CTCFL: variants seen among roughly 807,000 people sequenced by gnomAD.
CTCFL encodes CCCTC-binding factor like, also known as transcriptional repressor CTCFL.
Under a neutral mutation model 67.4 loss-of-function variants are expected in CTCFL, and 36 were observed. That is an observed-to-expected ratio of 0.53 (90% CI 0.41 to 0.71). The LOEUF (loss-of-function observed/expected upper bound fraction) is 0.71, where lower values mean the gene tolerates loss of function less well. Among genes scored for constraint, CTCFL ranks in the 30% least tolerant of loss-of-function variants. The pLI is 0.00. For missense variants in CTCFL, 786 were observed against 835.2 expected, an observed-to-expected ratio of 0.94 and a Z score of 0.73; for synonymous variants, 324 against 302.3, an observed-to-expected ratio of 1.07 and a Z score of -0.75.
At position 57,506,486 on chromosome 20, in the gene CTCFL, T is replaced by C. The variant is rs574551138; in HGVS notation, c.1674+2120A>G. ...GCCCAGCTAATTTTTGTATTTGTAG[T>C]AGAGATGGGGTTTCATCATTTTGGC... On this transcript the variant is annotated intron_variant, in intron 9 of 10. Coordinates refer to ENST00000243914, the MANE Select transcript of CTCFL (RefSeq NM_001386993.1). Among the ~76,000 whole-genome samples, 6 of 152,286 alleles carry C rather than the reference T, an allele frequency of 3.9e-5. No individual in the cohort carries two copies. In the South Asian group the frequency reaches 1.2e-3, roughly 32 times the overall value.
At chr20:57,496,631 A>G (rs2067727071), downstream of CTCFL, among the ~76,000 whole-genome samples, 2 of 152,192 alleles carry the variant, frequency 1.3e-5, no homozygotes, top group African/African-American at 4.8e-5. Flanking sequence ...CTTGGCAAAC[A>G]TCACTTTACC....
intron 1 of CTCFL, chr20:57,524,630 T>TCCTGGGCCTAGCACCAGTGCAC (rs2069715369): frequency 9.8e-7 from 1 of 1,016,846 alleles, no homozygotes; most frequent in Non-Finnish European, 1.2e-6. Flanking sequence ...GGCCAGTGCA[T>TCCTGGGCCTAGCACCAGTGCAC]ATCCTGGGCC....
chr20:57,517,922 C>T (rs144430280), intron 5 of CTCFL, among the ~76,000 whole-genome samples: 104 of 152,264 alleles, frequency 6.8e-4, no homozygotes, highest in African/African-American at 2.5e-3. Context: ...ACAATCACAA[C>T]CTTTAACTCA....
chr20:57,516,551 TA>T (rs893741888), intron 5 of CTCFL, among the ~76,000 whole-genome samples: 2 of 151,582 alleles, frequency 1.3e-5, no homozygotes, highest in Admixed American at 6.6e-5. Flanking sequence ...AAAATAAAAA[TA>T]AAAATAAAAA....
At chr20:57,518,446 T>C (rs1396566584) in intron 5 of CTCFL, 94 of 1,158,512 alleles carry the variant, frequency 8.1e-5, no homozygotes, top group Non-Finnish European at 1.1e-4. Flanking sequence ...TTTGATTTTG[T>C]GGCCCAGAGT....
chr20:57,524,280 C>CG (rs1166764176), intron 1 of CTCFL, 64 bp from the exon 2 acceptor site: 6 of 1,531,124 alleles, frequency 3.9e-6, no homozygotes, highest in African/African-American at 1.4e-5. Flanking sequence ...AGGAGGGATG[C>CG]GGGGGGTGCT....
chr20:57,515,150 TTTC>T, intron 6 of CTCFL: 1 of 168,462 alleles, frequency 5.9e-6, no homozygotes, highest in Non-Finnish European at 1.3e-5. Flanking sequence ...TTATTTACTT[TTTC>T]TTTTTTTTTG....
intron 10 of CTCFL, among the ~76,000 whole-genome samples, chr20:57,499,000 AGTAGCACC>A (rs2067779736): frequency 3.6e-5 from 5 of 137,064 alleles, no homozygotes; most frequent in Non-Finnish European, 6.0e-5. Flanking sequence ...ACTAGATGCC[AGTAGCACC>A]CTCCTCTCCA....
At chr20:57,509,863 G>A (rs111851487) in intron 8 of CTCFL, among the ~76,000 whole-genome samples, 2,047 of 152,140 alleles carry the variant, frequency 0.013, 62 homozygotes, top group African/African-American at 0.047. Flanking sequence ...CCAGGACCGC[G>A]GCAGCCAGGA....
At position 57,514,656 on chromosome 20, in the gene CTCFL, G is replaced by A. The variant is rs138471296; in HGVS notation, c.1266C>T (p.Gly422=). 21 of 1,614,056 alleles carry A rather than the reference G, an allele frequency of 1.3e-5. No homozygotes were observed. The highest frequency in any genetic ancestry group is 1.2e-4 in the African/African-American group (9 of 74,912). ...GACACTGGTATTTGGGGACATTTTC[G>A]CCGTGTTTCTGCAGAATATGTATTT... The part of the protein sequence containing the change: ...TMKIHILQKH[G]ENVPKYQCPH... The change falls in exon 7 of 11, where the codon GGC becomes GGT. Residue 422 remains glycine, a synonymous_variant. Coordinates refer to ENST00000243914, the MANE Select transcript of CTCFL (RefSeq NM_001386993.1).
chr20:57,519,846 G>A (rs2069219598), intron 3 of CTCFL, among the ~76,000 whole-genome samples: 1 of 152,106 alleles, frequency 6.6e-6, no homozygotes, highest in Non-Finnish European at 1.5e-5. Flanking sequence ...CATCTAGAAT[G>A]GTGCCATCCA....
At chr20:57,504,475 T>C (rs531529940) in intron 9 of CTCFL, among the ~76,000 whole-genome samples, 1 of 151,468 alleles carries the variant, frequency 6.6e-6, no homozygotes, top group African/African-American at 2.4e-5. Flanking sequence ...GAGACAGTGT[T>C]CCACCATGCT....
intron 6 of CTCFL, chr20:57,515,009 C>A: frequency 2.2e-6 from 1 of 450,896 alleles, no homozygotes; most frequent in Non-Finnish European, 3.9e-6. Context: ...TGGGGCTGTA[C>A]GAATAACCAA....
rs548295806 is a variant in CTCFL at position 57,504,200 on chromosome 20, T to A, written c.1675-599A>T. Among the ~76,000 whole-genome samples the A allele has an allele frequency of 1.4e-4, 21 of 151,594 alleles. 1 individual carries two copies. In the East Asian group the frequency reaches 3.7e-3, roughly 27 times the overall value. ...ACCGTGTTAGCCAGGATGGTCTCGA[T>A]CTCCTGATATTGTGATCTGCCCACC... On this transcript the variant is annotated intron_variant, in intron 9 of 10. Transcript: ENST00000243914.
At chr20:57,502,375 C>G (rs1266386953) in intron 10 of CTCFL, among the ~76,000 whole-genome samples, 1 of 152,144 alleles carries the variant, frequency 6.6e-6, no homozygotes, top group Non-Finnish European at 1.5e-5. Flanking sequence ...TAAGTATATC[C>G]CAAATAGTGC....
At chr20:57,518,464 AAAAT>A in intron 5 of CTCFL, 1 of 1,337,380 alleles carries the variant, frequency 7.5e-7, no homozygotes. Context: ...AGTACTAGAT[AAAAT>A]GCAGAACTTT....
chr20:57,516,126 ACAAGATTT>A (rs2068902465), intron 5 of CTCFL, among the ~76,000 whole-genome samples: 1 of 152,224 alleles, frequency 6.6e-6, no homozygotes, highest in South Asian at 2.1e-4. Context: ...CAAATGCCAT[ACAAGATTT>A]TGTTTTCATT....
intron 9 of CTCFL, chr20:57,507,388 G>A (rs1031885583): frequency 1.7e-6 from 1 of 591,474 alleles, no homozygotes; most frequent in East Asian, 2.8e-5. Context: ...AGTAGAGACA[G>A]GGTTTCACCA....
chr20:57,514,500 A>T (rs1462766776), intron 7 of CTCFL, 92 bp downstream of exon 7: 1 of 1,443,850 alleles, frequency 6.9e-7, no homozygotes, highest in African/African-American at 1.4e-5. Flanking sequence ...CGGGCCTCCC[A>T]GTATCAGGGC....
Sources: gnomAD v4.1 joint callset for allele counts (sites outside exome capture counted in the v4.1 genomes callset) on GRCh38, gnomAD v4.1.1 for gene constraint, MANE v1.5 for transcripts, NCBI Gene and HGNC (gene_info 2026-07-23, HGNC 2026-07-21) for gene names.